GFRA1: variants seen among roughly 807,000 people sequenced by gnomAD.
GFRA1 encodes the protein GDNF family receptor alpha 1, also known as GDNF family receptor alpha-1.
Under a neutral mutation model 51.6 loss-of-function variants are expected in GFRA1, and 16 were observed. The ratio of observed to expected loss-of-function variants is 0.31; its 90% CI spans 0.21 to 0.47. The LOEUF is 0.47. Among genes scored for constraint, GFRA1 ranks in the 20% least tolerant of loss-of-function variants. GFRA1 has a pLI of 1.00. For synonymous variants in GFRA1, 270 were observed against 241.3 expected (o/e 1.12, Z -1.10); for missense variants, 530 against 594.3 (o/e 0.89, Z 1.13).
At chr10:116,159,991 A>G (rs1959584920) in intron 5 of GFRA1, among the ~76,000 whole-genome samples, 1 of 152,190 alleles carries the variant, frequency 6.6e-6, no homozygotes, top group Admixed American at 6.5e-5. Context: ...AATCACGTGA[A>G]ATTTACTTTT....
At position 116,059,668 on chromosome 10, in the gene GFRA1, G is replaced by C. The variant is rs750384999; in HGVS notation, c.*4730C>G. 7.2e-5 allele frequency: 11 copies of C among 152,194 alleles called. No individual in the cohort carries two copies. The highest frequency in any genetic ancestry group is 1.6e-4 in the Non-Finnish European group (11 of 68,046). 9.4% of individuals were successfully genotyped at this position (152,194 alleles called of 1,614,324 possible). On this transcript the variant is annotated 3_prime_UTR_variant, in exon 11 of 11. Coordinates refer to ENST00000355422, the MANE Select transcript of GFRA1 (RefSeq NM_005264.8). ...TCTCAGAACAATCAGAAGTGCAGGT[G>C]GCACATTCTGCTGAAAACCACCCCT...
chr10:116,197,366 A>G (rs1396322641), intron 5 of GFRA1, among the ~76,000 whole-genome samples: 1 of 152,108 alleles, frequency 6.6e-6, no homozygotes, highest in East Asian at 1.9e-4. Context: ...ATCTGCCAGC[A>G]CCTTGATCTT....
intron 5 of GFRA1, among the ~76,000 whole-genome samples, chr10:116,145,360 A>C (rs1297132262): frequency 2.0e-5 from 3 of 152,064 alleles, no homozygotes; most frequent in African/African-American, 7.2e-5. Flanking sequence ...AAAGACTGTC[A>C]AGCTTAAAAA....
intron 9 of GFRA1, among the ~76,000 whole-genome samples, chr10:116,070,483 G>A (rs1237433091): frequency 6.6e-6 from 1 of 152,082 alleles, no homozygotes; most frequent in Non-Finnish European, 1.5e-5. Flanking sequence ...TTTATGTTCC[G>A]TTGTAAGACA....
rs1555166548 is a variant in GFRA1 at position 116,196,600 on chromosome 10, T to TA, written c.433+15030dup. 1.2e-3 allele frequency among the ~76,000 whole-genome samples: 6 copies of TA among 5,146 alleles called. 2 individuals are homozygous for TA. In the South Asian group the frequency reaches 0.095, roughly 82 times the overall value. 3.4% of individuals were successfully genotyped at this position (5,146 alleles called of 152,430 possible). On this transcript the variant is annotated intron_variant, in intron 5 of 10. Transcript: ENST00000355422. ...ATAATATATAGTACTATATATAATA[T>TA]ATATATAGTACTATATATAATATAT... is the stretch of plus-strand genomic sequence containing the variant.
At chr10:116,264,668 G>A (rs1969528604) in intron 4 of GFRA1, among the ~76,000 whole-genome samples, 1 of 152,220 alleles carries the variant, frequency 6.6e-6, no homozygotes, top group Admixed American at 6.5e-5. Context: ...GTAAAGGCAA[G>A]GCCATGTGCA....
At chr10:116,235,049 CTG>C (rs1326611139) in intron 4 of GFRA1, among the ~76,000 whole-genome samples, 1 of 152,216 alleles carries the variant, frequency 6.6e-6, no homozygotes, top group Non-Finnish European at 1.5e-5. Flanking sequence ...CCATGCCGAA[CTG>C]TGAGTCAATT....
At chr10:116,238,805 AT>A (rs560809950) in intron 4 of GFRA1, among the ~76,000 whole-genome samples, 1 of 152,112 alleles carries the variant, frequency 6.6e-6, no homozygotes, top group Admixed American at 6.5e-5. Flanking sequence ...ACAAATGGTC[AT>A]TTTTTTTAAA....
At chr10:116,234,849 ATTT>A (rs1966849154) in intron 4 of GFRA1, among the ~76,000 whole-genome samples, 3 of 152,116 alleles carry the variant, frequency 2.0e-5, no homozygotes, top group African/African-American at 7.2e-5. Context: ...ATGGGAGGTA[ATTT>A]AATCATGGGT....
chr10:116,248,353 G>A (rs143549894), intron 4 of GFRA1, among the ~76,000 whole-genome samples: 7 of 152,266 alleles, frequency 4.6e-5, no homozygotes, highest in East Asian at 1.9e-4. Flanking sequence ...GCAATCAGGC[G>A]GGAAAGGGAG....
chr10:116,205,135 G>A (rs1233583139), intron 5 of GFRA1, among the ~76,000 whole-genome samples: 1 of 152,152 alleles, frequency 6.6e-6, no homozygotes, highest in Non-Finnish European at 1.5e-5. Flanking sequence ...ATTTAATGCT[G>A]TCATTGACTG....
At chr10:116,132,212 A>AG (rs1649286493) in intron 5 of GFRA1, among the ~76,000 whole-genome samples, 1 of 152,186 alleles carries the variant, frequency 6.6e-6, no homozygotes, top group Non-Finnish European at 1.5e-5. Context: ...TGTGTCTCAA[A>AG]GAACAAACAA....
At chr10:116,205,926 T>A (rs1376904273) in intron 5 of GFRA1, among the ~76,000 whole-genome samples, 1 of 142,484 alleles carries the variant, frequency 7.0e-6, no homozygotes, top group East Asian at 2.1e-4. Context: ...TTTCCTCATA[T>A]CACACACACA....
intron 6 of GFRA1, among the ~76,000 whole-genome samples, chr10:116,102,836 C>T (rs534954700): frequency 4.6e-5 from 7 of 152,264 alleles, no homozygotes; most frequent in South Asian, 2.1e-4. Context: ...CAGACCATAT[C>T]GACCACTCAG....
intron 5 of GFRA1, among the ~76,000 whole-genome samples, chr10:116,166,799 TTTTTTTTTTTTTTTTG>T (rs1466169498): frequency 3.2e-5 from 3 of 92,496 alleles, no homozygotes; most frequent in African/African-American, 1.2e-4. Flanking sequence ...TTTTTTTTTT[TTTTTTTTTTTTTTTTG>T]TTGAGACGGA....
chr10:116,078,705 T>C lies in GFRA1; in HGVS notation c.1197+11036A>G, dbSNP rs182015589. 3.0e-3 allele frequency among the ~76,000 whole-genome samples: 454 copies of C among 152,144 alleles called. 3 individuals are homozygous for C. Among genetic ancestry groups the C allele is most frequent in the African/African-American group, 0.011 (437 of 41,472 alleles). ...TAGCCAAGGTTTGGATTTTTTTCTA[T>C]GTGACAAAAATAACAGCGGGTGCTA... On this transcript the variant is annotated intron_variant, in intron 9 of 10. Coordinates refer to ENST00000355422, the MANE Select transcript of GFRA1 (RefSeq NM_005264.8).
At chr10:116,144,422 G>A (rs916757046) in intron 5 of GFRA1, among the ~76,000 whole-genome samples, 9 of 151,860 alleles carry the variant, frequency 5.9e-5, no homozygotes, top group African/African-American at 2.2e-4. Context: ...AAAATGATAT[G>A]GGATATAAAT....
At chr10:116,081,170 A>G (rs1287696195) in intron 9 of GFRA1, among the ~76,000 whole-genome samples, 1 of 152,180 alleles carries the variant, frequency 6.6e-6, no homozygotes, top group Non-Finnish European at 1.5e-5. Context: ...ATTTGTAACT[A>G]GTTGGTCAGA....
At chr10:116,256,368 G>T (rs1362343517) in intron 4 of GFRA1, among the ~76,000 whole-genome samples, 1 of 152,120 alleles carries the variant, frequency 6.6e-6, no homozygotes, top group Non-Finnish European at 1.5e-5. Context: ...TGAATACAGA[G>T]GGTCCACCCG....
Sources: gnomAD v4.1 joint callset for allele counts (sites outside exome capture counted in the v4.1 genomes callset) on GRCh38, gnomAD v4.1.1 for gene constraint, MANE v1.5 for transcripts, NCBI Gene and HGNC (gene_info 2026-07-23, HGNC 2026-07-21) for gene names.